The following GRID2 variants were observed in gnomAD, a reference collection of about 807,000 sequenced individuals.
The protein encoded by GRID2 is glutamate ionotropic receptor delta type subunit 2, also known as glutamate receptor ionotropic, delta-2.
In GRID2, 33 loss-of-function variants were observed where a neutral mutation model predicts 114.8. The observed-to-expected ratio is 0.29, with a 90% CI of 0.22 to 0.38. The LOEUF (loss-of-function observed/expected upper bound fraction) is 0.38, where lower values mean the gene tolerates loss of function less well. GRID2 is among the 10% of genes least tolerant of loss of function. The probability of loss-of-function intolerance (pLI) is 1.00; values close to 1 mark genes in which losing one functional copy is unlikely to be tolerated. For synonymous variants in GRID2, 505 were observed against 449.9 expected, an observed-to-expected ratio of 1.12 and a Z score of -1.55; for missense variants, 1,184 against 1,257.7, an observed-to-expected ratio of 0.94 and a Z score of 0.89.
chr4:93,784,071 C>CAAAAAAAA lies in GRID2; in HGVS notation c.221+14642_221+14649dup, dbSNP rs70942993. Among the ~76,000 whole-genome samples, 222 of 38,976 alleles carry CAAAAAAAA rather than the reference C, an allele frequency of 5.7e-3. 25 individuals are homozygous for CAAAAAAAA. The highest frequency in any genetic ancestry group is 0.025 in the African/African-American group (206 of 8,306). 25.6% of individuals were successfully genotyped at this position (38,976 alleles called of 152,430 possible). ...TGGGCGACAGAGCGAGACTCCGTCT[C>CAAAAAAAA]AAAAAAAAAAAAAAAAAAAAAAAAA... On this transcript the variant is annotated intron_variant, in intron 1 of 1. Coordinates refer to the GRID2 transcript ENST00000637838.
chr4:93,308,724 T>C (rs1360860738), intron 8 of GRID2, among the ~76,000 whole-genome samples: 1 of 152,170 alleles, frequency 6.6e-6, no homozygotes, highest in Non-Finnish European at 1.5e-5. Flanking sequence ...TTTCTTACAA[T>C]GTACACAAAA....
At chr4:93,555,578 G>A (rs72889136) in intron 13 of GRID2, among the ~76,000 whole-genome samples, 2,371 of 152,282 alleles carry the variant, frequency 0.016, 65 homozygotes, top group African/African-American at 0.054. Flanking sequence ...CTTGGGCAGG[G>A]CATCTGAAAG....
intron 2 of GRID2, among the ~76,000 whole-genome samples, chr4:92,662,859 A>G (rs1487627709): frequency 6.6e-6 from 1 of 151,168 alleles, no homozygotes; most frequent in Non-Finnish European, 1.5e-5. Flanking sequence ...AATGTATACT[A>G]TATTATTTAA....
chr4:93,424,689 A>G (rs187426487), intron 10 of GRID2, among the ~76,000 whole-genome samples: 51 of 152,224 alleles, frequency 3.4e-4, no homozygotes, highest in Admixed American at 3.0e-3. Flanking sequence ...TTGTGCTGAG[A>G]GTTCACTAAA....
At chr4:93,208,362 C>A (rs1407099132) in intron 5 of GRID2, among the ~76,000 whole-genome samples, 13 of 151,772 alleles carry the variant, frequency 8.6e-5, no homozygotes, top group Admixed American at 8.5e-4. Context: ...TTCATTTGGA[C>A]AAGTATAATA....
chr4:92,637,428 GTCT>G (rs1321902074), intron 2 of GRID2, among the ~76,000 whole-genome samples: 2 of 151,984 alleles, frequency 1.3e-5, no homozygotes, highest in East Asian at 1.9e-4. Context: ...ACAATGCTTG[GTCT>G]TCTTCTAAGT....
At chr4:93,234,423 G>A (rs1012983547) in intron 7 of GRID2, among the ~76,000 whole-genome samples, 3 of 152,030 alleles carry the variant, frequency 2.0e-5, no homozygotes, top group Non-Finnish European at 4.4e-5. Flanking sequence ...TTAACCGGTT[G>A]ACTTAGGGCC....
intron 2 of GRID2, among the ~76,000 whole-genome samples, chr4:93,057,016 A>G (rs1296882589): frequency 6.6e-6 from 1 of 151,960 alleles, no homozygotes; most frequent in Non-Finnish European, 1.5e-5. Context: ...TTTCAATTTT[A>G]TAAAATATTG....
chr4:93,267,803 C>T (rs1166351335), intron 8 of GRID2, among the ~76,000 whole-genome samples: 1 of 152,200 alleles, frequency 6.6e-6, no homozygotes, highest in Non-Finnish European at 1.5e-5. Flanking sequence ...GCCCAAGACA[C>T]TCTGAAGCAG....
chr4:93,772,162 C>T lies in GRID2; in HGVS notation c.2688C>T (p.Ser896=). The T allele has an allele frequency of 2.5e-6, 4 of 1,613,370 alleles. No homozygotes were observed. Among genetic ancestry groups the T allele is most frequent in the Middle Eastern group, 3.3e-4 (2 of 6,062 alleles). ...TDDDSPHKQF[S]TSSIDLTPLD... is the part of the protein sequence containing the mutation. The stretch of plus-strand genomic sequence containing the variant: ...ACGACAGCCCCCATAAACAGTTTTC[C>T]ACCTCGTCAATTGATTTGACCCCTC... Residue 896 remains serine, a synonymous_variant, in exon 16 of 16, where the codon TCC becomes TCT. Transcript: ENST00000282020.
At chr4:93,224,949 G>C (rs1190688503) in intron 7 of GRID2, among the ~76,000 whole-genome samples, 174 bp downstream of exon 7, 1 of 151,970 alleles carries the variant, frequency 6.6e-6, no homozygotes, top group Non-Finnish European at 1.5e-5. Context: ...ATAAAAAGGG[G>C]AGGCTTCCTT....
At chr4:92,978,909 G>C (rs1448560914) in intron 2 of GRID2, among the ~76,000 whole-genome samples, 1 of 151,988 alleles carries the variant, frequency 6.6e-6, no homozygotes, top group Non-Finnish European at 1.5e-5. Context: ...TATAGTCCCA[G>C]CTACTTGGGA....
chr4:93,549,609 C>T (rs1048957374), intron 13 of GRID2, among the ~76,000 whole-genome samples: 12 of 152,146 alleles, frequency 7.9e-5, no homozygotes, highest in African/African-American at 2.2e-4. Flanking sequence ...GTCAGACCTA[C>T]ACCATGGAGA....
At chr4:93,717,382 G>T (rs1472655008) in intron 14 of GRID2, among the ~76,000 whole-genome samples, 3 of 150,620 alleles carry the variant, frequency 2.0e-5, no homozygotes, top group Non-Finnish European at 3.0e-5. Context: ...CTTTCTCCCT[G>T]ATGCCTGTAT....
chr4:93,388,152 G>A (rs935386919), intron 8 of GRID2, among the ~76,000 whole-genome samples: 1 of 149,518 alleles, frequency 6.7e-6, no homozygotes, highest in African/African-American at 2.6e-5. Flanking sequence ...GGGGGCAGGA[G>A]ATCAAGGAGA....
rs553478246 is a variant in GRID2 at position 92,337,924 on chromosome 4, A to G, written c.88+33180A>G. On this transcript the variant is annotated intron_variant, in intron 1 of 15. Coordinates refer to ENST00000282020, the MANE Select transcript of GRID2 (RefSeq NM_001510.4). ...AAGCATCTAGGCTGTTACATCCATT[A>G]TTCTTTGGCCATGAACTGCCTGCGT... Among the ~76,000 whole-genome samples the G allele has an allele frequency of 4.6e-5, 7 of 152,250 alleles. No homozygotes were observed. The South Asian group carries it at 1.2e-3, about 27-fold the overall frequency.
In GRID2 at chr4:93,533,007, G is replaced by A. The variant is rs571743816; in HGVS notation, c.2193+17596G>A. Among the ~76,000 whole-genome samples, 5 of 152,100 alleles carry A rather than the reference G, an allele frequency of 3.3e-5. No individual in the cohort carries two copies. The East Asian group carries it at 7.7e-4, about 24-fold the overall frequency. ...CTAATGTGCACATTTTTTCAGTTGC[G>A]TGTGCTGGGAGAGCCACCAAATGAT... On this transcript the variant is annotated intron_variant, in intron 13 of 15. Transcript: ENST00000282020.
chr4:92,804,454 T>C (rs1300373765), intron 2 of GRID2, among the ~76,000 whole-genome samples: 1 of 151,950 alleles, frequency 6.6e-6, no homozygotes, highest in Non-Finnish European at 1.5e-5. Flanking sequence ...GGAGAAAAAT[T>C]CTGTAGAAGA....
intron 2 of GRID2, among the ~76,000 whole-genome samples, chr4:92,900,655 C>A (rs910347047): frequency 1.3e-5 from 2 of 151,928 alleles, no homozygotes; most frequent in Non-Finnish European, 2.9e-5. Flanking sequence ...ACGGTGAAAC[C>A]CTATCTCTAC....
Sources: allele counts gnomAD v4.1 joint callset (sites outside exome capture counted in the v4.1 genomes callset), GRCh38; gene constraint gnomAD v4.1.1; transcripts MANE v1.5; gene names NCBI Gene and HGNC (gene_info 2026-07-23, HGNC 2026-07-21).